The following ADGRV1 variants were observed in gnomAD, a reference collection of about 807,000 sequenced individuals.
ADGRV1 encodes the protein adhesion G protein-coupled receptor V1.
A neutral mutation model predicts 596.2 loss-of-function variants in ADGRV1; 359 were observed. The observed-to-expected ratio is 0.60, with a 90% CI of 0.55 to 0.66. The LOEUF (loss-of-function observed/expected upper bound fraction) is 0.66, where lower values mean the gene tolerates loss of function less well. ADGRV1 is among the 30% of genes least tolerant of loss of function. ADGRV1 has a pLI of 0.00. For missense variants in ADGRV1, 7,274 were observed against 7,575.6 expected, an observed-to-expected ratio of 0.96 and a Z score of 1.48; for synonymous variants, 2,681 against 2,679.2, an observed-to-expected ratio of 1.00 and a Z score of -0.02.
chr5:91,079,316 TC>T (rs549206752), intron 86 of ADGRV1, among the ~76,000 whole-genome samples: 40 of 152,314 alleles, frequency 2.6e-4, no homozygotes, highest in African/African-American at 9.1e-4. Context: ...AGTTCACTCT[TC>T]CCACATTTTG....
At chr5:90,897,407 G>A (rs2150616234) in intron 83 of ADGRV1, among the ~76,000 whole-genome samples, 1 of 152,152 alleles carries the variant, frequency 6.6e-6, no homozygotes, top group Middle Eastern at 3.4e-3. Context: ...ATAATATAGT[G>A]TTAATTATTT....
At chr5:90,877,682 G>A (rs1353602072) in intron 83 of ADGRV1, among the ~76,000 whole-genome samples, 1 of 150,908 alleles carries the variant, frequency 6.6e-6, no homozygotes, top group Non-Finnish European at 1.5e-5. Flanking sequence ...ATTAGTTTAA[G>A]TGAAGAGATA....
At chr5:90,574,963 T>G (rs560011898) in intron 1 of ADGRV1, among the ~76,000 whole-genome samples, 1 of 152,308 alleles carries the variant, frequency 6.6e-6, no homozygotes, top group Admixed American at 6.5e-5. Flanking sequence ...TTGTGCTTAT[T>G]TGGATCTTCT....
chr5:90,691,062 A>G, intron 31 of ADGRV1, 21 bp downstream of exon 31: 1 of 1,613,482 alleles, frequency 6.2e-7, no homozygotes, highest in Non-Finnish European at 8.5e-7. Flanking sequence ...TGGCTAGTAT[A>G]GAATGACACT....
chr5:90,778,571 T>A lies in ADGRV1; in HGVS notation c.12811T>A (p.Phe4271Ile). 6.2e-7 allele frequency: 1 copy of A among 1,606,220 alleles called. No individual in the cohort carries two copies. The highest frequency in any genetic ancestry group is 8.5e-7 in the Non-Finnish European group (1 of 1,175,482). The part of the protein sequence containing the change: ...ASDSPYGRFA[F>I]SHEQLRVSEA... ...CGACTCTCCCTATGGCCGATTTGCCTTTTCACATGAGCAACTTCGAGTGTC... is the reference window on the plus strand; with the variant it reads ...CGACTCTCCCTATGGCCGATTTGCCATTTCACATGAGCAACTTCGAGTGTC... Residue 4271 changes from phenylalanine (F) to isoleucine (I), a missense_variant, in exon 63 of 90, where the codon TTT (phenylalanine) becomes ATT (isoleucine). Physicochemically the swap from Phe to Ile is conservative, Grantham distance 21. Around this residue, in one of 5 missense-constraint regions of ADGRV1, gnomAD observed 3,643 missense variants for 3,809.2 expected, o/e 0.96. Transcript: ENST00000405460.
At chr5:91,101,548 T>C (rs1356484540) in intron 86 of ADGRV1, among the ~76,000 whole-genome samples, 1 of 152,154 alleles carries the variant, frequency 6.6e-6, no homozygotes, top group Non-Finnish European at 1.5e-5. Flanking sequence ...AAAACTCAGA[T>C]AGCAAAGAAA....
chr5:90,707,800 A>G lies in ADGRV1; in HGVS notation c.8731-1016A>G, dbSNP rs540213884. Among the ~76,000 whole-genome samples the G allele has an allele frequency of 1.8e-4, 27 of 151,992 alleles. No homozygotes were observed. In the East Asian group the frequency reaches 5.0e-3, roughly 28 times the overall value. On this transcript the variant is annotated intron_variant, in intron 38 of 89. Coordinates refer to ENST00000405460, the MANE Select transcript of ADGRV1 (RefSeq NM_032119.4). ...TGTTTCCACCTTTATTTGATCCTAG[A>G]TCTTTGCAACCTTTTCTGCTCCCTG... is the stretch of plus-strand genomic sequence containing the variant.
At chr5:91,069,868 C>A (rs1347540419) in intron 85 of ADGRV1, among the ~76,000 whole-genome samples, 1 of 146,000 alleles carries the variant, frequency 6.8e-6, no homozygotes, top group Non-Finnish European at 1.5e-5. Flanking sequence ...AGGTGCCCAA[C>A]AATGCTGGGT....
chr5:90,599,427 A>G (rs1193916005), intron 1 of ADGRV1, among the ~76,000 whole-genome samples: 1 of 152,194 alleles, frequency 6.6e-6, no homozygotes, highest in Non-Finnish European at 1.5e-5. Context: ...CATTTTTATC[A>G]CTAAATACAT....
chr5:90,929,595 C>T (rs77244852), intron 83 of ADGRV1: 13 of 155,096 alleles, frequency 8.4e-5, no homozygotes, highest in East Asian at 7.6e-4. Flanking sequence ...CTGGCTTCTG[C>T]GTCACTCAGG....
In ADGRV1 at chr5:90,759,518, A is replaced by G. The variant is rs1244805949; in HGVS notation, c.12050A>G (p.Asp4017Gly). 6.2e-7 allele frequency: 1 copy of G among 1,613,288 alleles called. No homozygotes were observed. The highest frequency in any genetic ancestry group is 1.3e-5 in the African/African-American group (1 of 75,048). ...GCTGGAGGTGGCAGACTTGGTGATGATGTTGTGGTAACTGTTGTTATTCCA... is the reference window on the plus strand; with the variant it reads ...GCTGGAGGTGGCAGACTTGGTGATGGTGTTGTGGTAACTGTTGTTATTCCA... ...SVAGGGRLGD[D>G]VVVTVVIPQN... Residue 4017 changes from aspartate (D) to glycine (G), a missense_variant, in exon 58 of 90, where the codon GAT becomes GGT. This residue lies in a region of ADGRV1 where 3,643 missense variants were observed against 3,809.2 expected (regional missense o/e 0.96). Coordinates refer to ENST00000405460, the MANE Select transcript of ADGRV1 (RefSeq NM_032119.4).
intron 1 of ADGRV1, among the ~76,000 whole-genome samples, chr5:90,599,223 CTGCAAAGA>C (rs1761095067): frequency 6.6e-6 from 1 of 152,154 alleles, no homozygotes; most frequent in Non-Finnish European, 1.5e-5. Context: ...ATTCACTTCT[CTGCAAAGA>C]TGAATTTAAA....
chr5:90,697,749 T>C (rs114274680), intron 34 of ADGRV1, among the ~76,000 whole-genome samples: 2,334 of 152,266 alleles, frequency 0.015, 43 homozygotes, highest in African/African-American at 0.053. Flanking sequence ...ATAGATGGGC[T>C]AATTTTTGTG....
At chr5:90,959,740 T>C (rs1437757526) in intron 83 of ADGRV1, among the ~76,000 whole-genome samples, 1 of 152,080 alleles carries the variant, frequency 6.6e-6, no homozygotes, top group African/African-American at 2.4e-5. Context: ...GTACATTATT[T>C]TGGAAAAAAA....
intron 13 of ADGRV1, 88 bp from the exon 14 acceptor site, chr5:90,643,715 T>A: frequency 2.1e-6 from 2 of 972,648 alleles, no homozygotes; most frequent in Non-Finnish European, 3.0e-6. Context: ...AAACTTTGAG[T>A]ATATTAATAT....
intron 85 of ADGRV1, among the ~76,000 whole-genome samples, chr5:91,025,551 C>T (rs1461427323): frequency 6.6e-6 from 1 of 152,098 alleles, no homozygotes; most frequent in African/African-American, 2.4e-5. Flanking sequence ...AAAGGAAGGG[C>T]ATGCTGTCAG....
At chr5:90,857,823 C>T (rs1225597804) in intron 82 of ADGRV1, among the ~76,000 whole-genome samples, 1 of 152,096 alleles carries the variant, frequency 6.6e-6, no homozygotes, top group African/African-American at 2.4e-5. Flanking sequence ...ATCTTATATA[C>T]ATATTCTATA....
At chr5:91,107,120 G>T (rs1361200418) in intron 87 of ADGRV1, among the ~76,000 whole-genome samples, 2 of 152,142 alleles carry the variant, frequency 1.3e-5, no homozygotes, top group Non-Finnish European at 2.9e-5. Flanking sequence ...GGTCTGGGTG[G>T]AATCTGATCA....
At chr5:90,984,786 C>T (rs1406738850) in intron 84 of ADGRV1, among the ~76,000 whole-genome samples, 3 of 152,202 alleles carry the variant, frequency 2.0e-5, no homozygotes, top group Middle Eastern at 6.8e-3. Context: ...AAATGAACAC[C>T]ACTATAGTAC....
Sources: gnomAD v4.1 joint callset for allele counts (sites outside exome capture counted in the v4.1 genomes callset) on GRCh38, gnomAD v4.1.1 for gene constraint, gnomAD v4.1.1 regional missense constraint, MANE v1.5 for transcripts, NCBI Gene and HGNC (gene_info 2026-07-23, HGNC 2026-07-21) for gene names.